The following HCN1 variants were observed in gnomAD, a reference collection of about 807,000 sequenced individuals.
HCN1 encodes the protein potassium/sodium hyperpolarization-activated cyclic nucleotide-gated channel 1.
HCN1 carries 13 observed loss-of-function variants against 78.9 expected under a neutral mutation model. The observed-to-expected ratio is 0.16, with a 90% CI of 0.11 to 0.26. The LOEUF (loss-of-function observed/expected upper bound fraction) is 0.26, where lower values mean the gene tolerates loss of function less well. Ranked by LOEUF, HCN1 falls within the 10% of genes least tolerant of loss-of-function variation. The probability of loss-of-function intolerance (pLI) is 1.00; values close to 1 mark genes in which losing one functional copy is unlikely to be tolerated. For synonymous variants in HCN1, 552 were observed against 455.5 expected, an observed-to-expected ratio of 1.21 and a Z score of -2.70; for missense variants, 810 against 1,154.3, an observed-to-expected ratio of 0.70 and a Z score of 4.32.
chr5:45,547,602 C>T (rs541930283), intron 2 of HCN1, among the ~76,000 whole-genome samples: 1 of 151,696 alleles, frequency 6.6e-6, no homozygotes, highest in East Asian at 1.9e-4. Context: ...CGTTCTGAGC[C>T]CAAGTGCAGA....
chr5:45,524,530 C>CATTGAGCA (rs1366665511), intron 2 of HCN1, among the ~76,000 whole-genome samples: 1 of 152,110 alleles, frequency 6.6e-6, no homozygotes, highest in Non-Finnish European at 1.5e-5. Flanking sequence ...TCTTTTATTT[C>CATTGAGCA]ATTGAGCAGT....
At chr5:45,372,017 A>T (rs1420003934) in intron 4 of HCN1, among the ~76,000 whole-genome samples, 2 of 74,248 alleles carry the variant, frequency 2.7e-5, no homozygotes, top group African/African-American at 1.1e-4. Context: ...ATATCATATA[A>T]TATATATAAT....
intron 5 of HCN1, among the ~76,000 whole-genome samples, chr5:45,349,913 A>T (rs1746849961): frequency 2.0e-5 from 3 of 152,228 alleles, no homozygotes; most frequent in Admixed American, 2.0e-4. Flanking sequence ...GTCCAGGACC[A>T]GATGGATTCA....
At chr5:45,420,984 T>C (rs1468631569) in intron 3 of HCN1, among the ~76,000 whole-genome samples, 1 of 152,200 alleles carries the variant, frequency 6.6e-6, no homozygotes, top group Non-Finnish European at 1.5e-5. Context: ...ATTACACTTG[T>C]TAAGAAGAAT....
At chr5:45,642,265 C>T (rs1346049342) in intron 2 of HCN1, 1 of 152,116 alleles carries the variant, frequency 6.6e-6, no homozygotes, top group African/African-American at 2.4e-5. Context: ...CACTTCTTAA[C>T]ACCATGTGTT....
At position 45,387,744 on chromosome 5, in the gene HCN1, G is replaced by A. The variant is rs536814881; in HGVS notation, c.1230+8748C>T. On this transcript the variant is annotated intron_variant, in intron 4 of 7. Coordinates refer to ENST00000303230, the MANE Select transcript of HCN1 (RefSeq NM_021072.4). ...TATACAGTAGTCCTCACTTATTAGTGGGACATACGTTCCAAGACTCCCAGG... is the reference window on the plus strand; with the variant it reads ...TATACAGTAGTCCTCACTTATTAGTAGGACATACGTTCCAAGACTCCCAGG... Among the ~76,000 whole-genome samples, 13 of 152,158 alleles carry A rather than the reference G, an allele frequency of 8.5e-5. No homozygotes were observed. The East Asian group carries it at 2.5e-3, about 29-fold the overall frequency.
At chr5:45,353,710 A>G (rs1171651357) in intron 4 of HCN1, among the ~76,000 whole-genome samples, 1 of 152,034 alleles carries the variant, frequency 6.6e-6, no homozygotes, top group Non-Finnish European at 1.5e-5. Flanking sequence ...TTTGGAATCG[A>G]CAGGCAGGGA....
intron 6 of HCN1, among the ~76,000 whole-genome samples, chr5:45,299,619 A>G (rs1285726910): frequency 1.3e-5 from 2 of 151,904 alleles, no homozygotes; most frequent in African/African-American, 4.8e-5. Context: ...ATTGAATTAG[A>G]TGAACTGAAT....
chr5:45,605,782 A>C (rs1744717428), intron 2 of HCN1, among the ~76,000 whole-genome samples: 1 of 151,986 alleles, frequency 6.6e-6, no homozygotes, highest in South Asian at 2.1e-4. Context: ...GAGTAGATGT[A>C]TCACTCTGGT....
rs1373041524 is a variant in HCN1, at chr5:45,327,216, A to T, written c.1378-23377T>A. 3.3e-5 allele frequency among the ~76,000 whole-genome samples: 5 copies of T among 151,758 alleles called. No individual in the cohort carries two copies. The South Asian group carries it at 8.3e-4, about 25-fold the overall frequency. On this transcript the variant is annotated intron_variant, in intron 5 of 7. Coordinates refer to ENST00000303230, the MANE Select transcript of HCN1 (RefSeq NM_021072.4). ...ATTTGAGGTGATAAAAAAGCGATTGATTTTTAAGTGGCATAAACAATGTCC... is the reference window on the plus strand; with the variant it reads ...ATTTGAGGTGATAAAAAAGCGATTGTTTTTTAAGTGGCATAAACAATGTCC...
intron 2 of HCN1, among the ~76,000 whole-genome samples, chr5:45,581,342 C>G (rs1325882663): frequency 6.6e-6 from 1 of 152,084 alleles, no homozygotes; most frequent in East Asian, 1.9e-4. Context: ...CTGTTTGTAT[C>G]CTTCACCCAC....
intron 2 of HCN1, among the ~76,000 whole-genome samples, chr5:45,566,063 A>G (rs1355773239): frequency 6.6e-6 from 1 of 152,186 alleles, no homozygotes; most frequent in African/African-American, 2.4e-5. Context: ...GAGTAGTTCT[A>G]TCACAGGTCA....
intron 6 of HCN1, among the ~76,000 whole-genome samples, chr5:45,282,530 C>T (rs1745189456): frequency 6.6e-6 from 1 of 152,168 alleles, no homozygotes; most frequent in Non-Finnish European, 1.5e-5. Context: ...GAATTAGTAT[C>T]TCATGACCAT....
At chr5:45,427,513 T>C (rs1408255578) in intron 3 of HCN1, among the ~76,000 whole-genome samples, 1 of 152,166 alleles carries the variant, frequency 6.6e-6, no homozygotes, top group Non-Finnish European at 1.5e-5. Flanking sequence ...GTTCAATCTC[T>C]CTTCCTATAC....
intron 3 of HCN1, among the ~76,000 whole-genome samples, chr5:45,436,426 A>C (rs1230671328): frequency 6.6e-6 from 1 of 152,144 alleles, no homozygotes; most frequent in Admixed American, 6.6e-5. Flanking sequence ...CATACTTCAT[A>C]TGGGAGGCTA....
chr5:45,612,859 C>A (rs1744865676), intron 2 of HCN1, among the ~76,000 whole-genome samples: 1 of 152,000 alleles, frequency 6.6e-6, no homozygotes, highest in Admixed American at 6.6e-5. Context: ...TCCAGAGAAA[C>A]AAAGTGTGTG....
rs181746754 is a variant in HCN1 at position 45,267,404 on chromosome 5, A to G, written c.1619-151T>C. The G allele has an allele frequency of 3.5e-4, 219 of 633,916 alleles. No homozygotes were observed. The Middle Eastern group carries it at 4.5e-3, about 13-fold the overall frequency. 39.3% of individuals were successfully genotyped at this position (633,916 alleles called of 1,614,324 possible). On this transcript the variant is annotated intron_variant, in intron 6 of 7. Coordinates refer to ENST00000303230, the MANE Select transcript of HCN1 (RefSeq NM_021072.4). Reference sequence around the variant, plus strand: ...TTATATCAGCAAATTCCTTCTGACAAAAATATCCGACTGCCAATACTCAAT... The same window carrying G: ...TTATATCAGCAAATTCCTTCTGACAGAAATATCCGACTGCCAATACTCAAT...
At chr5:45,691,151 C>A (rs1008982506) in intron 1 of HCN1, among the ~76,000 whole-genome samples, 1 of 151,884 alleles carries the variant, frequency 6.6e-6, no homozygotes, top group Non-Finnish European at 1.5e-5. Context: ...CTTAAATGAA[C>A]CTATGATACA....
At chr5:45,648,374 A>T (rs1745590394) in intron 1 of HCN1, among the ~76,000 whole-genome samples, 1 of 152,182 alleles carries the variant, frequency 6.6e-6, no homozygotes, top group Admixed American at 6.5e-5. Context: ...TGCTAGCAAT[A>T]CTTAATATGG....
Sources: gnomAD v4.1 joint callset for allele counts (sites outside exome capture counted in the v4.1 genomes callset) on GRCh38, gnomAD v4.1.1 for gene constraint, MANE v1.5 for transcripts, NCBI Gene and HGNC (gene_info 2026-07-23, HGNC 2026-07-21) for gene names.